The following NRXN3 variants were observed in gnomAD, a reference collection of about 807,000 sequenced individuals.
The protein encoded by NRXN3 is neurexin 3, also known as neurexin III.
NRXN3 carries 32 observed loss-of-function variants against 137.6 expected under a neutral mutation model. The ratio of observed to expected loss-of-function variants is 0.23; its 90% CI spans 0.18 to 0.31. The LOEUF is 0.31. Ranked by LOEUF, NRXN3 falls within the 10% of genes least tolerant of loss-of-function variation. NRXN3 has a pLI of 1.00. For synonymous variants in NRXN3, 798 were observed against 784.5 expected (o/e 1.02, Z -0.29); for missense variants, 1,574 against 2,062.5 (o/e 0.76, Z 4.59).
intron 16 of NRXN3, among the ~76,000 whole-genome samples, chr14:79,506,872 AT>A (rs572659869): frequency 1.8e-4 from 28 of 152,130 alleles, no homozygotes; most frequent in Non-Finnish European, 3.5e-4. Flanking sequence ...AGAGGTGAAA[AT>A]ATGAGAGAAT....
At chr14:79,314,717 T>C (rs1346272904) in intron 15 of NRXN3, among the ~76,000 whole-genome samples, 1 of 145,808 alleles carries the variant, frequency 6.9e-6, no homozygotes, top group Non-Finnish European at 1.5e-5. Context: ...GCTGGAGATC[T>C]GAGGACGGGC....
intron 4 of NRXN3, among the ~76,000 whole-genome samples, chr14:78,591,522 A>G (rs976545912): frequency 1.4e-4 from 22 of 152,160 alleles, no homozygotes; most frequent in African/African-American, 5.1e-4. Flanking sequence ...TCTAAGACTC[A>G]CAATTATGTC....
intron 10 of NRXN3, among the ~76,000 whole-genome samples, chr14:78,932,187 C>A (rs1002736447): frequency 6.6e-6 from 1 of 151,918 alleles, no homozygotes; most frequent in African/African-American, 2.4e-5. Context: ...CCAAGGAAAT[C>A]ATTTGGCTAG....
At chr14:79,783,346 G>C (rs1194301292) in intron 19 of NRXN3, among the ~76,000 whole-genome samples, 1 of 152,158 alleles carries the variant, frequency 6.6e-6, no homozygotes, top group Non-Finnish European at 1.5e-5. Context: ...GTTATTACGT[G>C]GGAAAATACA....
intron 9 of NRXN3, among the ~76,000 whole-genome samples, chr14:78,805,266 T>G (rs1001131520): frequency 6.6e-6 from 1 of 152,188 alleles, no homozygotes; most frequent in Non-Finnish European, 1.5e-5. Flanking sequence ...GTTTTTCTTT[T>G]GTTTGTGTAT....
intron 20 of NRXN3, among the ~76,000 whole-genome samples, chr14:79,808,266 A>G (rs868758946): frequency 1.7e-4 from 25 of 144,020 alleles, no homozygotes; most frequent in Admixed American, 1.4e-4. Flanking sequence ...ATATATATAT[A>G]TATATATATG....
chr14:78,765,372 C>T (rs936504634), intron 8 of NRXN3, among the ~76,000 whole-genome samples: 3 of 152,110 alleles, frequency 2.0e-5, no homozygotes, highest in Non-Finnish European at 4.4e-5. Context: ...AGGCTGGTCT[C>T]GAACTCTTGA....
intron 3 of NRXN3, among the ~76,000 whole-genome samples, chr14:78,284,644 C>A (rs11159346): frequency 0.16 from 24,556 of 151,980 alleles, 2,083 homozygotes; most frequent in Middle Eastern, 0.23. Context: ...ATCAACCCAC[C>A]GTTGTAGCTG....
chr14:78,811,814 G>T (rs954153663), intron 10 of NRXN3, among the ~76,000 whole-genome samples: 5 of 152,160 alleles, frequency 3.3e-5, no homozygotes, highest in Non-Finnish European at 5.9e-5. Context: ...ATAAGCAACT[G>T]CTTACTAAAT....
intron 15 of NRXN3, among the ~76,000 whole-genome samples, chr14:79,033,363 T>G (rs1316999572): frequency 2.0e-5 from 3 of 152,136 alleles, no homozygotes; most frequent in East Asian, 1.9e-4. Context: ...TGGTTCATTC[T>G]CTGCAGAATG....
chr14:78,938,537 C>A lies in NRXN3; in HGVS notation c.2276-18705C>A, dbSNP rs549888271. Among the ~76,000 whole-genome samples the A allele has an allele frequency of 3.2e-4, 48 of 152,166 alleles. 1 individual carries two copies. The highest frequency in any genetic ancestry group is 3.7e-4 in the Non-Finnish European group (25 of 68,008). On this transcript the variant is annotated intron_variant, in intron 10 of 20. Transcript: ENST00000335750. ...GCACCAGGAAGGTTGGATAATCCTA[C>A]GTGGATGTGGAGAAATCTCAACCTT... is the stretch of plus-strand genomic sequence containing the variant.
At chr14:78,981,870 A>G (rs887328925) in intron 14 of NRXN3, among the ~76,000 whole-genome samples, 1 of 152,202 alleles carries the variant, frequency 6.6e-6, no homozygotes, top group African/African-American at 2.4e-5. Flanking sequence ...AAATACATTG[A>G]CATAAAATAG....
chr14:78,703,752 G>A (rs935702541), intron 6 of NRXN3: 1 of 152,180 alleles, frequency 6.6e-6, no homozygotes, highest in Non-Finnish European at 1.5e-5. Flanking sequence ...ATTCTCCACT[G>A]ATGTGGAGTG....
At chr14:79,661,226 C>G (rs1037922101) in intron 16 of NRXN3, among the ~76,000 whole-genome samples, 3 of 152,046 alleles carry the variant, frequency 2.0e-5, no homozygotes, top group African/African-American at 7.2e-5. Context: ...TGTGTTTAGT[C>G]ACAATTTTGG....
At chr14:79,731,970 A>G (rs193141467) in intron 19 of NRXN3, among the ~76,000 whole-genome samples, 2 of 152,078 alleles carry the variant, frequency 1.3e-5, no homozygotes, top group Admixed American at 1.3e-4. Flanking sequence ...GCAGTGGTTG[A>G]ATAGAATCCT....
At chr14:79,111,015 C>A (rs995350742) in intron 15 of NRXN3, among the ~76,000 whole-genome samples, 1 of 152,120 alleles carries the variant, frequency 6.6e-6, no homozygotes, top group Admixed American at 6.5e-5. Flanking sequence ...TGGTCTTGAT[C>A]TCCTGACCTC....
chr14:78,934,671 G>A (rs1413939264), intron 10 of NRXN3, among the ~76,000 whole-genome samples: 1 of 152,102 alleles, frequency 6.6e-6, no homozygotes, highest in African/African-American at 2.4e-5. Flanking sequence ...GGACATGGAT[G>A]AAGCTAGAAA....
At chr14:79,276,054 CA>C (rs1746423477) in intron 15 of NRXN3, among the ~76,000 whole-genome samples, 1 of 152,106 alleles carries the variant, frequency 6.6e-6, no homozygotes, top group Non-Finnish European at 1.5e-5. Flanking sequence ...TCAAGGGACC[CA>C]CTAGAAAAGC....
intron 4 of NRXN3, chr14:78,403,946 A>G (rs1252171228): frequency 1.1e-6 from 1 of 930,068 alleles, no homozygotes; most frequent in Non-Finnish European, 1.3e-6. Context: ...GCTGTTCCCC[A>G]TTTGCCTTAC....
Sources: allele counts gnomAD v4.1 joint callset (sites outside exome capture counted in the v4.1 genomes callset), GRCh38; gene constraint gnomAD v4.1.1; transcripts MANE v1.5; gene names NCBI Gene and HGNC (gene_info 2026-07-23, HGNC 2026-07-21).